PTPN13: variants seen among roughly 807,000 people sequenced by gnomAD.
PTPN13 encodes protein tyrosine phosphatase non-receptor type 13.
Under a neutral mutation model 284.0 loss-of-function variants are expected in PTPN13, and 191 were observed. The observed-to-expected ratio is 0.67, with a 90% CI of 0.60 to 0.76. The LOEUF is 0.76. PTPN13 is among the 30% of genes least tolerant of loss of function. The pLI is 0.00. For missense variants in PTPN13, 2,797 were observed against 2,939.9 expected, an observed-to-expected ratio of 0.95 and a Z score of 1.12; for synonymous variants, 986 against 1,022.3, an observed-to-expected ratio of 0.96 and a Z score of 0.68.
Position 86,762,719 on chromosome 4 carries a change from A to G in PTPN13, c.3554-8A>G. On this transcript the variant is annotated splice_region_variant and splice_polypyrimidine_tract_variant and intron_variant, in intron 23 of 47. Coordinates refer to ENST00000411767, the MANE Select transcript of PTPN13 (RefSeq NM_080683.3). ...TTGTTACTCTCATTGATGGATTTTG[A>G]CTTTTAGTGCCTTCTACTCCTGTGC... 1 of 1,575,632 alleles carries G rather than the reference A, an allele frequency of 6.3e-7. No homozygotes were observed. The highest frequency in any genetic ancestry group is 8.7e-7 in the Non-Finnish European group (1 of 1,150,072).
In PTPN13 at chr4:86,809,947, T is replaced by C. The variant is rs760005967; in HGVS notation, c.7262T>C (p.Ile2421Thr). ...GIGRSGTLIC[I>T]DVVLGLISQD... is the part of the protein sequence containing the mutation. ...GGACGTTCAGGGACCCTGATTTGCA[T>C]AGATGTGGTTCTGGGATTAATCAGT... The change falls in exon 46 of 48, where the codon ATA (isoleucine) becomes ACA (threonine). Residue 2421 changes from isoleucine (I) to threonine (T), a missense_variant. Ile to Thr is a moderately conservative substitution (Grantham distance 89). Transcript: ENST00000411767. The C allele has an allele frequency of 1.1e-5, 17 of 1,614,034 alleles. No individual in the cohort carries two copies. The highest frequency in any genetic ancestry group is 1.4e-5 in the Non-Finnish European group (16 of 1,179,890).
At chr4:86,790,333 G>A (rs548784060) in intron 40 of PTPN13, among the ~76,000 whole-genome samples, 220 of 152,192 alleles carry the variant, frequency 1.4e-3, no homozygotes, top group Admixed American at 6.5e-3. Flanking sequence ...TCATATTACA[G>A]GTGTCATTTT....
In PTPN13 at chr4:86,809,817, G is replaced by C; in HGVS notation, c.7132G>C (p.Asp2378His). The C allele has an allele frequency of 1.2e-6, 2 of 1,614,060 alleles. No individual in the cohort carries two copies. The highest frequency in any genetic ancestry group is 2.2e-5 in the South Asian group (2 of 91,082). The change falls in exon 46 of 48, where the codon GAC becomes CAC. Residue 2378 changes from aspartate to histidine, a missense_variant. Coordinates refer to ENST00000411767, the MANE Select transcript of PTPN13 (RefSeq NM_080683.3). ...ISHLNFTAWP[D>H]HDTPSQPDDL... ...TCATCTGAATTTCACTGCCTGGCCA[G>C]ACCATGATACACCTTCTCAACCAGA...
intron 1 of PTPN13, among the ~76,000 whole-genome samples, chr4:86,634,040 G>A (rs1438865061): frequency 2.0e-5 from 3 of 152,130 alleles, no homozygotes; most frequent in Non-Finnish European, 4.4e-5. Context: ...AAAAAGGAAA[G>A]TGAAAGGACA....
chr4:86,660,230 G>A (rs1234018376), intron 2 of PTPN13, among the ~76,000 whole-genome samples: 1 of 152,160 alleles, frequency 6.6e-6, no homozygotes, highest in African/African-American at 2.4e-5. Context: ...GCAATAATTT[G>A]CCTTAGAGTT....
intron 6 of PTPN13, among the ~76,000 whole-genome samples, chr4:86,696,303 C>T (rs1364726577): frequency 6.6e-6 from 1 of 151,702 alleles, no homozygotes; most frequent in South Asian, 2.1e-4. Flanking sequence ...GTTGACTGAA[C>T]GAGAAAAGGT....
At chr4:86,622,943 G>C in intron 1 of PTPN13, among the ~76,000 whole-genome samples, 1 of 152,118 alleles carries the variant, frequency 6.6e-6, no homozygotes, top group East Asian at 1.9e-4. Flanking sequence ...CCTTTCACAG[G>C]CTTCCTGTCT....
rs117518695 is a variant in PTPN13 at position 86,700,555 on chromosome 4, A to G, written c.635-686A>G. On this transcript the variant is annotated intron_variant, in intron 6 of 47. Coordinates refer to ENST00000411767, the MANE Select transcript of PTPN13 (RefSeq NM_080683.3). ...AGTTGGTACTTTATTACAATTGGCAAATAATGGTAAATTATGTTCTAGAGG... is the reference window on the plus strand; with the variant it reads ...AGTTGGTACTTTATTACAATTGGCAGATAATGGTAAATTATGTTCTAGAGG... 2.6e-4 allele frequency among the ~76,000 whole-genome samples: 40 copies of G among 152,296 alleles called. No individual in the cohort carries two copies. In the East Asian group the frequency reaches 6.9e-3, roughly 26 times the overall value.
At chr4:86,597,301 G>A (rs555016825) in intron 1 of PTPN13, among the ~76,000 whole-genome samples, 6 of 152,084 alleles carry the variant, frequency 3.9e-5, no homozygotes, top group African/African-American at 1.4e-4. Flanking sequence ...GCAGTGGCTC[G>A]ATCATGGCTC....
intron 1 of PTPN13, among the ~76,000 whole-genome samples, chr4:86,609,794 G>A (rs2149190328): frequency 6.6e-6 from 1 of 152,144 alleles, no homozygotes; most frequent in South Asian, 2.1e-4. Context: ...TTTTGTTTAA[G>A]TTGAAAATTT....
intron 17 of PTPN13, 132 bp downstream of exon 17, chr4:86,745,260 C>A (rs1041649183): frequency 4.7e-6 from 4 of 859,736 alleles, no homozygotes; most frequent in Non-Finnish European, 7.0e-6. Context: ...TAAATCAAGT[C>A]TATAAAGGTG....
At position 86,766,456 on chromosome 4, in the gene PTPN13, G is replaced by A; in HGVS notation, c.4268G>A (p.Gly1423Glu). Residue 1423 changes from glycine to glutamate, a missense_variant, in exon 27 of 48, where the codon GGA (glycine) becomes GAA (glutamate). Gly to Glu is a moderately conservative substitution (Grantham distance 98). Coordinates refer to ENST00000411767, the MANE Select transcript of PTPN13 (RefSeq NM_080683.3). ...HKGDRVLAVN[G>E]VSLEGATHKQ... ...GGTGATCGCGTCCTAGCTGTCAATGGAGTTAGTCTAGAAGGAGCCACCCAT... is the reference window on the plus strand; with the variant it reads ...GGTGATCGCGTCCTAGCTGTCAATGAAGTTAGTCTAGAAGGAGCCACCCAT... 4 of 1,609,304 alleles carry A rather than the reference G, an allele frequency of 2.5e-6. No individual in the cohort carries two copies. The highest frequency in any genetic ancestry group is 3.4e-6 in the Non-Finnish European group (4 of 1,178,762).
chr4:86,789,177 T>G (rs1742328171), intron 40 of PTPN13, among the ~76,000 whole-genome samples: 1 of 152,240 alleles, frequency 6.6e-6, no homozygotes, highest in South Asian at 2.1e-4. Context: ...GTGACTTACA[T>G]GCCATGCCAA....
intron 6 of PTPN13, among the ~76,000 whole-genome samples, chr4:86,700,367 T>C (rs1033864425): frequency 1.3e-5 from 2 of 152,170 alleles, no homozygotes; most frequent in African/African-American, 4.8e-5. Flanking sequence ...TATTTCTTTT[T>C]TCAGTAGTGG....
chr4:86,604,552 C>T (rs1468466471), intron 1 of PTPN13, among the ~76,000 whole-genome samples: 3 of 151,734 alleles, frequency 2.0e-5, no homozygotes, highest in African/African-American at 7.3e-5. Context: ...ACAGTAGCTA[C>T]ATATAAGCTA....
intron 2 of PTPN13, among the ~76,000 whole-genome samples, chr4:86,647,425 G>A (rs2148789837): frequency 6.6e-6 from 1 of 151,662 alleles, no homozygotes; most frequent in Non-Finnish European, 1.5e-5. Context: ...AGCATCAGGA[G>A]TAGACTACTC....
At chr4:86,643,974 T>G (rs1347751865) in intron 2 of PTPN13, among the ~76,000 whole-genome samples, 1 of 152,084 alleles carries the variant, frequency 6.6e-6, no homozygotes, top group East Asian at 1.9e-4. Context: ...TGATTTCAGA[T>G]TCTATAGTTA....
At chr4:86,613,340 G>A (rs1470668479) in intron 1 of PTPN13, among the ~76,000 whole-genome samples, 1 of 152,154 alleles carries the variant, frequency 6.6e-6, no homozygotes, top group Non-Finnish European at 1.5e-5. Context: ...ACTTTTAAGA[G>A]TTTGGGGAGT....
chr4:86,760,932 A>G (rs1738596034), intron 23 of PTPN13, among the ~76,000 whole-genome samples: 1 of 151,968 alleles, frequency 6.6e-6, no homozygotes, highest in Admixed American at 6.6e-5. Flanking sequence ...GTTAAGCACC[A>G]AAGAGGAAGG....
Sources: gnomAD v4.1 joint callset for allele counts (sites outside exome capture counted in the v4.1 genomes callset) on GRCh38, gnomAD v4.1.1 for gene constraint, MANE v1.5 for transcripts, NCBI Gene and HGNC (gene_info 2026-07-23, HGNC 2026-07-21) for gene names.